The following EHBP1 variants were observed in gnomAD, a reference collection of about 807,000 sequenced individuals.
EHBP1 encodes the protein EH domain-binding protein 1.
In EHBP1, 55 loss-of-function variants were observed where a neutral mutation model predicts 144.0. The observed-to-expected ratio is 0.38, with a 90% confidence interval of 0.31 to 0.48. The LOEUF (loss-of-function observed/expected upper bound fraction) is 0.48, where lower values mean the gene tolerates loss of function less well. Ranked by LOEUF, EHBP1 falls within the 20% of genes least tolerant of loss-of-function variation. The pLI is 0.98. For missense variants in EHBP1, 1,200 were observed against 1,364.2 expected (o/e 0.88, Z 1.90); for synonymous variants, 469 against 472.7 (o/e 0.99, Z 0.10).
At chr2:62,731,328 T>C (rs2037577670) in intron 2 of EHBP1, among the ~76,000 whole-genome samples, 1 of 152,188 alleles carries the variant, frequency 6.6e-6, no homozygotes, top group Non-Finnish European at 1.5e-5. Context: ...TTTGGGACTT[T>C]CTGCATAGAC....
chr2:62,684,829 C>T lies in EHBP1; in HGVS notation c.-296+10746C>T, dbSNP rs562228184. The stretch of plus-strand genomic sequence containing the variant: ...GGGAGAGAGGAAAAGAAAGAGAGAA[C>T]GTTTATGTATTAGTTTGCAAGGGCA... On this transcript the variant is annotated intron_variant, in intron 1 of 22. Coordinates refer to the EHBP1 transcript ENST00000405015. 1.1e-4 allele frequency among the ~76,000 whole-genome samples: 16 copies of T among 152,220 alleles called. No homozygotes were observed. In the South Asian group the frequency reaches 3.3e-3, roughly 32 times the overall value.
chr2:62,871,791 A>C (rs2050509818), intron 9 of EHBP1, among the ~76,000 whole-genome samples: 2 of 152,202 alleles, frequency 1.3e-5, no homozygotes, highest in African/African-American at 4.8e-5. Context: ...AAGAGAAAGT[A>C]TTCACCCTTC....
At chr2:62,689,595 C>T (rs1361975720) in intron 1 of EHBP1, among the ~76,000 whole-genome samples, 1 of 152,066 alleles carries the variant, frequency 6.6e-6, no homozygotes, top group Non-Finnish European at 1.5e-5. Flanking sequence ...CGAGAGGTAA[C>T]CGAGGTCTCG....
chr2:62,725,115 G>T (rs2036628670), intron 2 of EHBP1, among the ~76,000 whole-genome samples: 1 of 152,164 alleles, frequency 6.6e-6, no homozygotes, highest in Non-Finnish European at 1.5e-5. Flanking sequence ...ACTTTTATCA[G>T]CCCTGACTTT....
At position 62,859,241 on chromosome 2, in the gene EHBP1, A is replaced by T. The variant is rs1312728249; in HGVS notation, c.707A>T (p.Asp236Val). 6.2e-7 allele frequency: 1 copy of T among 1,612,186 alleles called. No individual in the cohort carries two copies. Among genetic ancestry groups the T allele is most frequent in the Non-Finnish European group, 8.5e-7 (1 of 1,178,840 alleles). The part of the protein sequence containing the change: ...DLATVNSNPF[D>V]DPDAAELNPF... ...GCCACCGTGAATTCAAATCCATTTG[A>T]TGATCCTGATGCTGCAGAATTAAAT... Residue 236 changes from aspartate to valine, a missense_variant, in exon 8 of 23, where the codon GAT (aspartate) becomes GTT (valine). Physicochemically the swap from Asp to Val is radical, Grantham distance 152 (BLOSUM62 -3). Coordinates refer to ENST00000431489, the MANE Select transcript of EHBP1 (RefSeq NM_001142616.3).
chr2:62,847,667 C>T (rs2048386832), intron 7 of EHBP1, among the ~76,000 whole-genome samples: 1 of 152,082 alleles, frequency 6.6e-6, no homozygotes, highest in South Asian at 2.1e-4. Context: ...GATCCTGTCT[C>T]TTAGGAAAAA....
intron 19 of EHBP1, among the ~76,000 whole-genome samples, chr2:63,009,641 G>A (rs1462074327): frequency 2.0e-5 from 3 of 151,398 alleles, no homozygotes; most frequent in African/African-American, 7.3e-5. Context: ...TGGAGTATAT[G>A]GAGTAAAGTC....
At chr2:62,740,870 T>A (rs946808065) in intron 2 of EHBP1, among the ~76,000 whole-genome samples, 1 of 152,164 alleles carries the variant, frequency 6.6e-6, no homozygotes, top group East Asian at 1.9e-4. Flanking sequence ...AAGGATAAAT[T>A]TGGTCTCAGC....
intron 2 of EHBP1, among the ~76,000 whole-genome samples, chr2:62,724,141 C>T (rs1198383229): frequency 6.6e-6 from 1 of 152,168 alleles, no homozygotes; most frequent in Non-Finnish European, 1.5e-5. Flanking sequence ...TTCACATAAT[C>T]CCATATTTCT....
chr2:62,996,982 C>T (rs1386468625), intron 19 of EHBP1, among the ~76,000 whole-genome samples: 1 of 152,004 alleles, frequency 6.6e-6, no homozygotes, highest in Non-Finnish European at 1.5e-5. Context: ...TGAGCCAGCA[C>T]TATTGAACAG....
rs2034166757 is a variant in EHBP1 at position 62,698,235 on chromosome 2, G to A, written c.-295-8662G>A. Among the ~76,000 whole-genome samples the A allele has an allele frequency of 2.6e-5, 4 of 152,240 alleles. No homozygotes were observed. The South Asian group carries it at 8.3e-4, about 31-fold the overall frequency. ...TGAATATTTCAAATATAATCAAGTT[G>A]TGACCTTTAAATATGCTCTTTTTAG... On this transcript the variant is annotated intron_variant, in intron 1 of 22. Transcript: ENST00000405015.
intron 2 of EHBP1, among the ~76,000 whole-genome samples, chr2:62,711,718 G>C (rs1025812435): frequency 6.6e-6 from 1 of 152,190 alleles, no homozygotes; most frequent in African/African-American, 2.4e-5. Flanking sequence ...GAAACAAGCA[G>C]TAGTGAGATA....
Position 62,897,989 on chromosome 2 carries a change from C to T in EHBP1, c.1185+23457C>T, listed in dbSNP as rs1370814293. On this transcript the variant is annotated intron_variant, in intron 10 of 22. Transcript: ENST00000431489. ...GAATTTTACAGAGTGAAAAATAAAT[C>T]TAAAGGCCCTGAGGCTAGAATGACT... 2.0e-5 allele frequency among the ~76,000 whole-genome samples: 3 copies of T among 152,178 alleles called. No individual in the cohort carries two copies. The South Asian group carries it at 6.2e-4, about 32-fold the overall frequency.
intron 11 of EHBP1, among the ~76,000 whole-genome samples, chr2:62,943,331 G>T (rs1045718794): frequency 1.4e-5 from 2 of 138,768 alleles, no homozygotes; most frequent in African/African-American, 5.4e-5. Flanking sequence ...AGCCAAGATC[G>T]TGCCATTGCA....
intron 3 of EHBP1, among the ~76,000 whole-genome samples, chr2:62,750,995 C>T (rs981266436): frequency 6.6e-6 from 1 of 152,268 alleles, no homozygotes; most frequent in African/African-American, 2.4e-5. Context: ...TGCCTGATTG[C>T]CCTAGCCAGA....
chr2:62,996,794 G>A, intron 19 of EHBP1, 28 bp downstream of exon 19: 1 of 1,601,198 alleles, frequency 6.2e-7, no homozygotes, highest in Non-Finnish European at 8.5e-7. Context: ...ACTGTAAACA[G>A]TTTTGGCAAA....
intron 10 of EHBP1, among the ~76,000 whole-genome samples, chr2:62,902,035 A>G (rs1331719104): frequency 6.6e-6 from 1 of 152,104 alleles, no homozygotes; most frequent in Non-Finnish European, 1.5e-5. Flanking sequence ...TTTAGCAAAT[A>G]TGGTTATAAT....
chr2:63,025,033 G>T (rs1450649412), intron 19 of EHBP1, among the ~76,000 whole-genome samples: 1 of 151,758 alleles, frequency 6.6e-6, no homozygotes, highest in Non-Finnish European at 1.5e-5. Flanking sequence ...CTAGAAAAAA[G>T]TACTAAACAT....
chr2:62,993,724 C>CTATATATAGTATATATATATAGTATA (rs1163288234), intron 17 of EHBP1, 56 bp downstream of exon 17: 5 of 919,212 alleles, frequency 5.4e-6, no homozygotes, highest in African/African-American at 5.3e-5. Context: ...ATATAGATAT[C>CTATATATAGTATATATATATAGTATA]TATATATAGT....
Sources: allele counts gnomAD v4.1 joint callset (sites outside exome capture counted in the v4.1 genomes callset), GRCh38; gene constraint gnomAD v4.1.1; transcripts MANE v1.5; gene names NCBI Gene and HGNC (gene_info 2026-07-23, HGNC 2026-07-21).